Variants in AVEN observed in about 807,000 individuals in gnomAD.
AVEN encodes cell death regulator Aven.
A neutral mutation model predicts 38.1 loss-of-function variants in AVEN; 41 were observed. The observed-to-expected ratio is 1.08, with a 90% CI of 0.84 to 1.40. The LOEUF is 1.40. AVEN is among the 40% of genes most tolerant of loss of function. The pLI, the probability that AVEN is intolerant of heterozygous loss-of-function variation, is 0.00. For synonymous variants in AVEN, 206 were observed against 171.8 expected (o/e 1.20, Z -1.56); for missense variants, 605 against 438.8 (o/e 1.38, Z -3.38).
At chr15:33,982,347 C>T (rs2140529016) in intron 2 of AVEN, among the ~76,000 whole-genome samples, 1 of 152,198 alleles carries the variant, frequency 6.6e-6, no homozygotes, top group Middle Eastern at 3.4e-3. Context: ...CCTCTCCCAT[C>T]CCAATCCAAA....
At chr15:33,963,070 G>A (rs897698665) in intron 2 of AVEN, among the ~76,000 whole-genome samples, 2 of 152,092 alleles carry the variant, frequency 1.3e-5, no homozygotes, top group African/African-American at 4.8e-5. Context: ...GCCTATATGA[G>A]AAGGAAAAAG....
At chr15:33,854,298 C>T (rs1787385659), downstream of AVEN, 2 of 982,612 alleles carry the variant, frequency 2.0e-6, no homozygotes, top group African/African-American at 1.7e-5. Context: ...GGTTATTAAA[C>T]CTGAGAGAAA....
intron 1 of AVEN, among the ~76,000 whole-genome samples, chr15:34,028,937 G>C (rs1051782190): frequency 2.6e-5 from 4 of 152,166 alleles, no homozygotes; most frequent in African/African-American, 7.2e-5. Flanking sequence ...GCAAAAAGCA[G>C]AACACTTACT....
At chr15:33,855,264 C>G (rs902725866), downstream of AVEN, among the ~76,000 whole-genome samples, 1 of 151,848 alleles carries the variant, frequency 6.6e-6, no homozygotes. Flanking sequence ...GCGGTGGGAT[C>G]TTGGCTCACT....
At chr15:33,954,717 G>A (rs1894894067) in intron 2 of AVEN, among the ~76,000 whole-genome samples, 1 of 151,966 alleles carries the variant, frequency 6.6e-6, no homozygotes, top group Admixed American at 6.6e-5. Context: ...ACGAGTTAAT[G>A]GGTGCAGCAC....
chr15:33,857,049 A>G (rs575972497), downstream of AVEN, among the ~76,000 whole-genome samples: 8 of 152,120 alleles, frequency 5.3e-5, no homozygotes, highest in African/African-American at 1.7e-4. Flanking sequence ...ACAAAACACA[A>G]TGTATCCCTC....
At position 34,013,823 on chromosome 15, in the gene AVEN, A is replaced by C. The variant is rs540598893; in HGVS notation, c.268-10614T>G. 2.0e-5 allele frequency among the ~76,000 whole-genome samples: 3 copies of C among 152,252 alleles called. No homozygotes were observed. The East Asian group carries it at 5.8e-4, about 29-fold the overall frequency. Reference sequence around the variant, plus strand: ...GGAGGATGACATCACAGGCTGAGGGAAGAGTATGTACGAGGACCCATGAGC... The same window carrying C: ...GGAGGATGACATCACAGGCTGAGGGCAGAGTATGTACGAGGACCCATGAGC... On this transcript the variant is annotated intron_variant, in intron 1 of 5. Coordinates refer to ENST00000306730, the MANE Select transcript of AVEN (RefSeq NM_020371.3).
intron 1 of AVEN, among the ~76,000 whole-genome samples, chr15:34,013,457 ATTGTTACAT>A: frequency 6.6e-6 from 1 of 152,228 alleles, no homozygotes; most frequent in Admixed American, 6.5e-5. Flanking sequence ...AGTGGCACTT[ATTGTTACAT>A]TTGTCTGTCC....
At chr15:33,859,444 C>A in intron 11 of AVEN, 3 of 856,486 alleles carry the variant, frequency 3.5e-6, no homozygotes, top group Non-Finnish European at 5.5e-6. Context: ...TGAATACTGG[C>A]ACCTCTGAAG....
chr15:33,865,362 C>G (rs1890152289), downstream of AVEN: 2 of 654,752 alleles, frequency 3.1e-6, no homozygotes, highest in South Asian at 4.1e-5. Flanking sequence ...TGCTGAAAAT[C>G]TGTGCTATTT....
chr15:33,944,295 C>T (rs1894427194), intron 2 of AVEN, among the ~76,000 whole-genome samples: 1 of 152,172 alleles, frequency 6.6e-6, no homozygotes, highest in Non-Finnish European at 1.5e-5. Flanking sequence ...AGGCCATGAT[C>T]CCTGTCCCTG....
intron 2 of AVEN, among the ~76,000 whole-genome samples, chr15:33,983,116 T>C (rs1393037617): frequency 1.3e-5 from 2 of 149,214 alleles, no homozygotes; most frequent in East Asian, 3.9e-4. Flanking sequence ...CATATACATA[T>C]ATGTCCATAC....
At chr15:34,019,793 G>A (rs993974797) in intron 1 of AVEN, among the ~76,000 whole-genome samples, 2 of 152,120 alleles carry the variant, frequency 1.3e-5, no homozygotes, top group Non-Finnish European at 2.9e-5. Context: ...CACCATCTAG[G>A]TTTATGTAAG....
chr15:33,906,558 G>A (rs1046306363), intron 2 of AVEN, among the ~76,000 whole-genome samples: 14 of 152,124 alleles, frequency 9.2e-5, no homozygotes, highest in Non-Finnish European at 1.0e-4. Context: ...TGGAATTCTC[G>A]AAATACATAA....
intron 2 of AVEN, among the ~76,000 whole-genome samples, chr15:33,983,355 T>C (rs1896273779): frequency 6.6e-6 from 1 of 151,962 alleles, no homozygotes; most frequent in Non-Finnish European, 1.5e-5. Context: ...CACCTTGTTT[T>C]ACAAACGTAC....
At chr15:34,038,129 G>T (rs1899238781) in intron 1 of AVEN, among the ~76,000 whole-genome samples, 1 of 152,044 alleles carries the variant, frequency 6.6e-6, no homozygotes, top group Non-Finnish European at 1.5e-5. Context: ...TTTATAAATT[G>T]AAAATTCAAA....
chr15:34,012,962 T>C (rs1280712133), intron 1 of AVEN, among the ~76,000 whole-genome samples: 1 of 152,190 alleles, frequency 6.6e-6, no homozygotes, highest in Non-Finnish European at 1.5e-5. Context: ...GTTTTAAATT[T>C]CCTAAATTCC....
intron 1 of AVEN, among the ~76,000 whole-genome samples, chr15:34,031,260 C>T (rs142579591): frequency 2.7e-3 from 394 of 147,634 alleles, no homozygotes; most frequent in Non-Finnish European, 4.1e-3. Flanking sequence ...CTGCAACCTC[C>T]GCCTCCCGGG....
chr15:33,951,695 A>G (rs1894758423), intron 2 of AVEN, among the ~76,000 whole-genome samples: 1 of 152,108 alleles, frequency 6.6e-6, no homozygotes, highest in African/African-American at 2.4e-5. Flanking sequence ...GTCTCCTTGA[A>G]GGCAAATAAG....
Sources: allele counts gnomAD v4.1 joint callset (sites outside exome capture counted in the v4.1 genomes callset), GRCh38; gene constraint gnomAD v4.1.1; transcripts MANE v1.5; gene names NCBI Gene and HGNC (gene_info 2026-07-23, HGNC 2026-07-21).